The following PIK3C2G variants were observed in gnomAD, a reference collection of about 807,000 sequenced individuals.
PIK3C2G encodes the protein phosphatidylinositol 3-kinase C2 domain-containing subunit gamma.
A neutral mutation model predicts 181.1 loss-of-function variants in PIK3C2G; 168 were observed. The observed-to-expected ratio is 0.93, with a 90% CI of 0.82 to 1.05. PIK3C2G has a LOEUF of 1.05. PIK3C2G is among the 50% of genes least tolerant of loss of function. The pLI, the probability that PIK3C2G is intolerant of heterozygous loss-of-function variation, is 0.00. For synonymous variants in PIK3C2G, 573 were observed against 592.2 expected, an observed-to-expected ratio of 0.97 and a Z score of 0.47; for missense variants, 1,869 against 1,732.8, an observed-to-expected ratio of 1.08 and a Z score of -1.40.
At position 18,356,205 on chromosome 12, in the gene PIK3C2G, C is replaced by A. The variant is rs558646487; in HGVS notation, c.1626-6559C>A. Among the ~76,000 whole-genome samples, 56 of 152,296 alleles carry A rather than the reference C, an allele frequency of 3.7e-4. No homozygotes were observed. The South Asian group carries it at 7.7e-3, about 21-fold the overall frequency. On this transcript the variant is annotated intron_variant, in intron 11 of 32. Transcript: ENST00000538779. ...CATAGCTCAGAGGAAAGTCTGAGGA[C>A]AAGGAGAGATAAATCCACATTTTGC... is the stretch of plus-strand genomic sequence containing the variant.
the PIK3C2G span, chr12:18,695,154 A>G: frequency 1.4e-6 from 2 of 1,387,336 alleles, no homozygotes; most frequent in Non-Finnish European, 2.0e-6. Context: ...ACTTACTGAA[A>G]TCTAATAATG....
intron 2 of PIK3C2G, among the ~76,000 whole-genome samples, chr12:18,283,478 G>T (rs747898855): frequency 1.3e-5 from 2 of 151,996 alleles, no homozygotes; most frequent in Non-Finnish European, 2.9e-5. Context: ...GAGGCAGAAG[G>T]GTTCTTTATT....
chr12:18,434,921 T>C (rs1434391350), intron 18 of PIK3C2G, among the ~76,000 whole-genome samples: 1 of 152,138 alleles, frequency 6.6e-6, no homozygotes, highest in Non-Finnish European at 1.5e-5. Context: ...AAAAATGTCT[T>C]TGACTTTTGT....
chr12:18,543,708 G>A (rs1054854756), intron 25 of PIK3C2G, among the ~76,000 whole-genome samples: 27 of 151,760 alleles, frequency 1.8e-4, no homozygotes, highest in African/African-American at 5.8e-4. Context: ...ATAATTGTGC[G>A]GCCTTATTTC....
the PIK3C2G span, among the ~76,000 whole-genome samples, chr12:18,716,433 G>A: frequency 2.0e-5 from 3 of 152,138 alleles, no homozygotes; most frequent in African/African-American, 4.8e-5. Context: ...GCAATGTCAT[G>A]CCAACCACTT....
At chr12:18,252,240 C>T (rs756733879) in intron 1 of PIK3C2G, among the ~76,000 whole-genome samples, 9 of 152,198 alleles carry the variant, frequency 5.9e-5, no homozygotes, top group Non-Finnish European at 1.0e-4. Context: ...CAATTTTGCT[C>T]AGTGAGCAAG....
chr12:18,295,780 C>T (rs1949912832), intron 5 of PIK3C2G, among the ~76,000 whole-genome samples: 1 of 150,878 alleles, frequency 6.6e-6, no homozygotes. Flanking sequence ...AGAGTAATAG[C>T]CTATTTGTAT....
chr12:18,336,185 C>T (rs1009354890), intron 8 of PIK3C2G, among the ~76,000 whole-genome samples: 5 of 152,036 alleles, frequency 3.3e-5, no homozygotes, highest in African/African-American at 1.2e-4. Context: ...ATCTGCCAGG[C>T]ACCATATTTC....
intron 15 of PIK3C2G, among the ~76,000 whole-genome samples, chr12:18,399,194 C>CAAAAAAAAAAAAAAAA (rs536592064): frequency 2.0e-3 from 162 of 79,898 alleles, no homozygotes; most frequent in South Asian, 5.3e-3. Context: ...GACTCCGTCT[C>CAAAAAAAAAAAAAAAA]AAAAAAAAAA....
intron 18 of PIK3C2G, among the ~76,000 whole-genome samples, chr12:18,453,401 C>T (rs75345376): frequency 0.14 from 21,776 of 151,884 alleles, 1,681 homozygotes; most frequent in African/African-American, 0.2. Flanking sequence ...TTTTCATTTG[C>T]TTGGTAAATA....
intron 2 of PIK3C2G, 106 bp downstream of exon 2, chr12:18,282,865 C>G (rs1949280964): frequency 6.5e-6 from 5 of 770,302 alleles, no homozygotes; most frequent in Non-Finnish European, 9.8e-6. Flanking sequence ...ATAGGGAAAT[C>G]TATTCATCTT....
chr12:18,381,845 T>A lies in PIK3C2G; in HGVS notation c.1960T>A (p.Trp654Arg), dbSNP rs959115867. The A allele has an allele frequency of 6.2e-7, 1 of 1,613,430 alleles. No individual in the cohort carries two copies. The highest frequency in any genetic ancestry group is 1.3e-5 in the African/African-American group (1 of 75,038). ...CGTAGAAATGATAACTCCAGGAGTG[T>A]GGGATGTAAGTCAGCCATCCCCGGT... ...PPVEMITPGV[W>R]DVSQPSPVTL... is the part of the protein sequence containing the mutation. Residue 654 changes from tryptophan (W) to arginine (R), a missense_variant, in exon 14 of 33, where the codon TGG becomes AGG. Trp to Arg is a moderately radical substitution (Grantham distance 101). Coordinates refer to ENST00000538779, the MANE Select transcript of PIK3C2G (RefSeq NM_001288772.2).
At chr12:18,545,105 C>G (rs1944354598) in intron 25 of PIK3C2G, among the ~76,000 whole-genome samples, 1 of 151,666 alleles carries the variant, frequency 6.6e-6, no homozygotes, top group South Asian at 2.1e-4. Flanking sequence ...GTACAAAATC[C>G]TTAATGTTGC....
chr12:18,576,905 A>G (rs1050570060), intron 29 of PIK3C2G, among the ~76,000 whole-genome samples: 55 of 152,170 alleles, frequency 3.6e-4, no homozygotes, highest in Admixed American at 1.3e-4. Flanking sequence ...TGCTAAGGGA[A>G]TGGTGGATGG....
intron 12 of PIK3C2G, 117 bp from the exon 13 acceptor site, chr12:18,371,063 C>A: frequency 2.7e-6 from 2 of 739,634 alleles, no homozygotes; most frequent in Non-Finnish European, 3.9e-6. Flanking sequence ...TTTCAAGAGG[C>A]AGCCTCAATT....
chr12:18,356,726 C>T (rs1440108724), intron 11 of PIK3C2G, among the ~76,000 whole-genome samples: 3 of 151,988 alleles, frequency 2.0e-5, no homozygotes, highest in African/African-American at 4.8e-5. Flanking sequence ...GTTCGGCCAT[C>T]GCTGGCCGAA....
chr12:18,405,773 T>A (rs924426595), intron 16 of PIK3C2G, among the ~76,000 whole-genome samples: 3 of 152,164 alleles, frequency 2.0e-5, no homozygotes, highest in Non-Finnish European at 2.9e-5. Flanking sequence ...ACATAATAAT[T>A]GTATATATTT....
intron 11 of PIK3C2G, among the ~76,000 whole-genome samples, chr12:18,352,175 C>G (rs1940281016): frequency 6.6e-6 from 1 of 152,140 alleles, no homozygotes; most frequent in South Asian, 2.1e-4. Context: ...ACTATCATAC[C>G]CATTTTGCAG....
intron 21 of PIK3C2G, 93 bp downstream of exon 21, chr12:18,496,247 C>A: frequency 1.3e-6 from 1 of 742,520 alleles, no homozygotes; most frequent in Non-Finnish European, 2.2e-6. Context: ...TATTTTCCTC[C>A]AGCAACAACA....
Sources: allele counts gnomAD v4.1 joint callset (sites outside exome capture counted in the v4.1 genomes callset), GRCh38; gene constraint gnomAD v4.1.1; transcripts MANE v1.5; gene names NCBI Gene and HGNC (gene_info 2026-07-23, HGNC 2026-07-21).